The following PEAK1 variants were observed in gnomAD, a reference collection of about 807,000 sequenced individuals.
PEAK1 encodes the protein inactive tyrosine-protein kinase PEAK1.
In PEAK1, 54 loss-of-function variants were observed where a neutral mutation model predicts 124.7. That is an observed-to-expected ratio of 0.43 (90% confidence interval 0.35 to 0.54). The LOEUF is 0.54. Ranked by LOEUF, PEAK1 falls within the 20% of genes least tolerant of loss-of-function variation. The pLI is 0.01. For synonymous variants in PEAK1, 719 were observed against 760.0 expected (o/e 0.95, Z 0.89); for missense variants, 2,046 against 2,134.5 (o/e 0.96, Z 0.82).
chr15:77,306,248 G>T (rs943606943), intron 2 of PEAK1, among the ~76,000 whole-genome samples: 1 of 148,014 alleles, frequency 6.8e-6, no homozygotes, highest in Middle Eastern at 3.2e-3. Context: ...TAGTCAGGAA[G>T]AGTTTAAAGG....
intron 6 of PEAK1, among the ~76,000 whole-genome samples, chr15:77,196,084 G>A (rs961078445): frequency 6.6e-6 from 1 of 152,196 alleles, no homozygotes; most frequent in Non-Finnish European, 1.5e-5. Context: ...TTCTACTAAA[G>A]AGAAGATCTT....
chr15:77,122,131 G>T (rs572065007), intron 9 of PEAK1, among the ~76,000 whole-genome samples: 1 of 152,266 alleles, frequency 6.6e-6, no homozygotes, highest in South Asian at 2.1e-4. Context: ...AATAGATTAA[G>T]TGTTTAATAT....
At chr15:77,117,087 G>A (rs2051455121) in intron 9 of PEAK1, among the ~76,000 whole-genome samples, 1 of 152,148 alleles carries the variant, frequency 6.6e-6, no homozygotes, top group East Asian at 1.9e-4. Flanking sequence ...GTTGGATCCA[G>A]CACATGGCAC....
intron 6 of PEAK1, among the ~76,000 whole-genome samples, chr15:77,238,766 C>T (rs188838626): frequency 7.9e-5 from 12 of 152,260 alleles, no homozygotes; most frequent in African/African-American, 2.9e-4. Flanking sequence ...GGAGTACTCC[C>T]TTGGCTTTTA....
chr15:77,199,979 C>G (rs1370774574), intron 6 of PEAK1, among the ~76,000 whole-genome samples: 1 of 152,138 alleles, frequency 6.6e-6, no homozygotes, highest in Non-Finnish European at 1.5e-5. Context: ...TGTATGGAAA[C>G]ATTTTTAGAG....
chr15:77,257,196 T>A (rs1181715702), intron 5 of PEAK1, among the ~76,000 whole-genome samples: 2 of 152,228 alleles, frequency 1.3e-5, no homozygotes, highest in Non-Finnish European at 2.9e-5. Context: ...TACGTGTGCA[T>A]GTGTCTTTAT....
chr15:77,241,639 A>G (rs2060362642), intron 6 of PEAK1, among the ~76,000 whole-genome samples: 1 of 152,120 alleles, frequency 6.6e-6, no homozygotes, highest in African/African-American at 2.4e-5. Flanking sequence ...ATACATGGTC[A>G]ACATAGAAAA....
At chr15:77,188,516 C>T (rs1177149609) in intron 6 of PEAK1, among the ~76,000 whole-genome samples, 1 of 151,978 alleles carries the variant, frequency 6.6e-6, no homozygotes, top group African/African-American at 2.4e-5. Flanking sequence ...CACTTTAGAC[C>T]CCTATTTAAG....
At chr15:77,225,666 TTATATATATATATATATATA>T (rs55958042) in intron 6 of PEAK1, among the ~76,000 whole-genome samples, 1 of 87,994 alleles carries the variant, frequency 1.1e-5, no homozygotes, top group African/African-American at 3.9e-5. Context: ...TGTGTATAAT[TTATATATATATATATATATA>T]TATATATATA....
At chr15:77,369,246 G>C (rs2068476413) in intron 1 of PEAK1, among the ~76,000 whole-genome samples, 1 of 152,112 alleles carries the variant, frequency 6.6e-6, no homozygotes, top group South Asian at 2.1e-4. Context: ...TCAGACACCA[G>C]GAAGTTTTCA....
At position 77,178,949 on chromosome 15, in the gene PEAK1, C is replaced by T. The variant is rs764235270; in HGVS notation, c.2978G>A (p.Cys993Tyr). ...EKPAIVFMYR[C>Y]DPAQGQLSVD... ...ACTGAGCTGGCCTTGAGCAGGGTCG[C>T]ACCTGTACATGAAGACAATGGCTGG... Residue 993 changes from cysteine (C) to tyrosine (Y), a missense_variant, in exon 7 of 10, where the codon TGC (cysteine) becomes TAC (tyrosine). Transcript: ENST00000682557. The T allele has an allele frequency of 5.6e-6, 9 of 1,614,076 alleles. No individual in the cohort carries two copies. In the South Asian group the frequency reaches 9.9e-5, roughly 18 times the overall value.
rs569525296 is a variant in PEAK1 at position 77,375,924 on chromosome 15, G to A, written c.-665-10699C>T. ...TGAGGCAGGAGAATGGCGGGAACCC[G>A]GGAGGCGGAGCCTGCAGTGAGCCGA... On this transcript the variant is annotated intron_variant, in intron 1 of 9. Transcript: ENST00000682557. 4.4e-3 allele frequency among the ~76,000 whole-genome samples: 666 copies of A among 152,068 alleles called. 1 individual carries two copies. The highest frequency in any genetic ancestry group is 0.013 in the African/African-American group (560 of 41,528).
intron 6 of PEAK1, among the ~76,000 whole-genome samples, chr15:77,211,298 A>G (rs2058892102): frequency 6.6e-6 from 1 of 152,184 alleles, no homozygotes; most frequent in Non-Finnish European, 1.5e-5. Context: ...TTTCAAAACA[A>G]TAGATTTTTA....
chr15:77,302,609 C>T (rs1375193693), intron 2 of PEAK1, among the ~76,000 whole-genome samples: 3 of 152,098 alleles, frequency 2.0e-5, no homozygotes, highest in African/African-American at 4.8e-5. Context: ...AAAGTAAGTA[C>T]GGTAAGACTA....
chr15:77,258,443 G>A (rs893705540), intron 5 of PEAK1, among the ~76,000 whole-genome samples: 10 of 151,990 alleles, frequency 6.6e-5, no homozygotes, highest in African/African-American at 1.4e-4. Context: ...GGTCCTTCAC[G>A]TCCCTTGTAC....
chr15:77,301,806 G>A (rs892660725), intron 2 of PEAK1, among the ~76,000 whole-genome samples: 10 of 152,100 alleles, frequency 6.6e-5, no homozygotes, highest in Non-Finnish European at 1.5e-4. Context: ...CTCCATTGAG[G>A]GTGGAATGTC....
At chr15:77,366,258 A>G (rs1415185959) in intron 1 of PEAK1, among the ~76,000 whole-genome samples, 1 of 152,114 alleles carries the variant, frequency 6.6e-6, no homozygotes, top group Non-Finnish European at 1.5e-5. Context: ...TTTAAGACCA[A>G]CTACACAACT....
chr15:77,221,113 T>C (rs1348817294), intron 6 of PEAK1, among the ~76,000 whole-genome samples: 1 of 152,122 alleles, frequency 6.6e-6, no homozygotes, highest in Non-Finnish European at 1.5e-5. Flanking sequence ...CTGTAGCATA[T>C]GCCCTTTACC....
chr15:77,248,519 G>C (rs1348183142), intron 6 of PEAK1, among the ~76,000 whole-genome samples: 1 of 152,098 alleles, frequency 6.6e-6, no homozygotes, highest in Non-Finnish European at 1.5e-5. Flanking sequence ...TCATGCATGG[G>C]ACTAGTAAGA....
Sources: gnomAD v4.1 joint callset for allele counts (sites outside exome capture counted in the v4.1 genomes callset) on GRCh38, gnomAD v4.1.1 for gene constraint, MANE v1.5 for transcripts, NCBI Gene and HGNC (gene_info 2026-07-23, HGNC 2026-07-21) for gene names.